Variants in HERC1 observed in about 807,000 individuals in gnomAD.
HERC1 encodes probable E3 ubiquitin-protein ligase HERC1.
Under a neutral mutation model 554.3 loss-of-function variants are expected in HERC1, and 160 were observed. The ratio of observed to expected loss-of-function variants is 0.29; its 90% confidence interval spans 0.25 to 0.33. The LOEUF (loss-of-function observed/expected upper bound fraction) is 0.33. Among genes scored for constraint, HERC1 ranks in the 10% least tolerant of loss-of-function variants. HERC1 has a pLI of 1.00. For synonymous variants in HERC1, 2,175 were observed against 2,131.7 expected, an observed-to-expected ratio of 1.02 and a Z score of -0.56; for missense variants, 4,919 against 5,918.5, an observed-to-expected ratio of 0.83 and a Z score of 5.54.
chr15:63,645,160 G>T, intron 56 of HERC1, 63 bp from the exon 57 acceptor site: 4 of 1,185,644 alleles, frequency 3.4e-6, no homozygotes, highest in South Asian at 1.2e-5. Flanking sequence ...AAATATTTCC[G>T]AATTGCAATC....
rs1327595573 is a variant in HERC1 at position 63,749,099 on chromosome 15, G to A, written c.2219+268C>T. On this transcript the variant is annotated intron_variant, in intron 10 of 77. Coordinates refer to ENST00000443617, the MANE Select transcript of HERC1 (RefSeq NM_003922.4). This position sits in a 1 kb window ranked among gnomAD's most constrained non-coding sequence, Gnocchi z 4.1. ...ATATTTAATTTTTTTAAATCAGCAT[G>A]TAGAGATGAGAGAGAACTCAAAATG... 6.6e-6 allele frequency among the ~76,000 whole-genome samples: 1 copy of A among 152,088 alleles called. No homozygotes were observed. Among genetic ancestry groups the A allele is most frequent in the Non-Finnish European group, 1.5e-5 (1 of 68,020 alleles).
Position 63,692,615 on chromosome 15 carries a change from T to TA in HERC1, c.5675-50dup. 1 of 1,469,152 alleles carries TA rather than the reference T, an allele frequency of 6.8e-7. No homozygotes were observed. Among genetic ancestry groups the TA allele is most frequent in the Middle Eastern group, 1.8e-4 (1 of 5,560 alleles). The allele number at this position is 1,469,152 out of a possible 1,614,324, so 91.0% of individuals were successfully genotyped here. On this transcript the variant is annotated intron_variant, in intron 30 of 77. Transcript: ENST00000443617. This position sits in a 1 kb window ranked among gnomAD's most constrained non-coding sequence, Gnocchi z 4.7. ...GTTACAACCAAGAGCCAACAAGAAA[T>TA]AGTCTTATATCACATAATTTACCTT... is the stretch of plus-strand genomic sequence containing the variant.
At chr15:63,635,371 A>C (rs1269684663) in intron 65 of HERC1, among the ~76,000 whole-genome samples, 1 of 152,134 alleles carries the variant, frequency 6.6e-6, no homozygotes, top group African/African-American at 2.4e-5. Context: ...TATCTGCCCA[A>C]GTTGCTCTCC....
At position 63,758,211 on chromosome 15, in the gene HERC1, T is replaced by A; in HGVS notation, c.1185A>T (p.Gln395His). 1 of 1,612,096 alleles carries A rather than the reference T, an allele frequency of 6.2e-7. No individual in the cohort carries two copies. The highest frequency in any genetic ancestry group is 8.5e-7 in the Non-Finnish European group (1 of 1,178,392). ...LVEGTQEKILQPKLAPSFSDA... is the reference protein window; with the variant it reads ...LVEGTQEKILHPKLAPSFSDA... The stretch of plus-strand genomic sequence containing the variant: ...CAGAGAAACTAGGAGCCAGTTTGGG[T>A]TGCAGTATTTTCTCCTGTGTACCTT... The change falls in exon 4 of 78, where the codon CAA (glutamine) becomes CAT (histidine). Residue 395 changes from glutamine (Q) to histidine (H), a missense_variant. This residue lies in a region of HERC1 where 744 missense variants were observed against 1,090.0 expected (regional missense o/e 0.68). Coordinates refer to ENST00000443617, the MANE Select transcript of HERC1 (RefSeq NM_003922.4). The surrounding 1 kb of genome is among the most constrained non-coding windows in gnomAD (Gnocchi z 4.0).
intron 48 of HERC1, 140 bp from the exon 49 acceptor site, chr15:63,656,498 A>C (rs1345676595): frequency 5.3e-6 from 4 of 750,476 alleles, no homozygotes; most frequent in Non-Finnish European, 8.5e-6. Context: ...ACATGTCCTA[A>C]GAGTTGCCAA....
intron 25 of HERC1, among the ~76,000 whole-genome samples, chr15:63,706,380 A>G (rs1172907265): frequency 6.6e-6 from 1 of 152,182 alleles, no homozygotes; most frequent in East Asian, 1.9e-4. Flanking sequence ...CGGGGTAAGA[A>G]GTTCTCCCTG....
At chr15:63,769,224 C>A (rs1336403945) in intron 2 of HERC1, among the ~76,000 whole-genome samples, 1 of 152,100 alleles carries the variant, frequency 6.6e-6, no homozygotes, top group East Asian at 1.9e-4. Context: ...TCAAAACCAG[C>A]CTGGCCAACA....
Position 63,678,222 on chromosome 15 carries a change from G to T in HERC1, c.6693C>A (p.Tyr2231Ter). ...TTTCCATCATTTTTTTGTTAATGCAGTAAGTCCAACGGTCTGTTCGGTGAA... is the reference window on the plus strand; with the variant it reads ...TTTCCATCATTTTTTTGTTAATGCATTAAGTCCAACGGTCTGTTCGGTGAA... ...RILHRTDRWT[Y>*]CINKKMMERL... Residue 2231 changes from tyrosine to a stop codon, truncating the protein, a stop_gained, in exon 37 of 78, where the codon TAC becomes TAA. Coordinates refer to ENST00000443617, the MANE Select transcript of HERC1 (RefSeq NM_003922.4). LOFTEE classifies it high-confidence loss of function. The T allele has an allele frequency of 6.2e-7, 1 of 1,613,570 alleles. No individual in the cohort carries two copies. The highest frequency in any genetic ancestry group is 8.5e-7 in the Non-Finnish European group (1 of 1,179,748).
Position 63,803,384 on chromosome 15 carries a change from GCTT to G in HERC1, c.-26-27738_-26-27736del, listed in dbSNP as rs1249029872. ...GACCCCTTAACCACTAAATCATGCTGCTTCTTATCAACATCGTGGTGTATATCA... is the reference window on the plus strand; with the variant it reads ...GACCCCTTAACCACTAAATCATGCTGCTTATCAACATCGTGGTGTATATCA... On this transcript the variant is annotated intron_variant, in intron 1 of 77. Transcript: ENST00000443617. Among the ~76,000 whole-genome samples the G allele has an allele frequency of 3.9e-5, 6 of 152,038 alleles. No homozygotes were observed. In the East Asian group the frequency reaches 1.2e-3, roughly 29 times the overall value.
intron 12 of HERC1, among the ~76,000 whole-genome samples, chr15:63,742,214 G>A (rs1318592614): frequency 1.3e-5 from 2 of 152,134 alleles, no homozygotes; most frequent in Admixed American, 6.5e-5. Flanking sequence ...TTTGTTAAAT[G>A]TATTCCTAAG....
At position 63,656,878 on chromosome 15, in the gene HERC1, A is replaced by G. The variant is rs576751708; in HGVS notation, c.9600-520T>C. Among the ~76,000 whole-genome samples, 4 of 152,336 alleles carry G rather than the reference A, an allele frequency of 2.6e-5. No homozygotes were observed. In the East Asian group the frequency reaches 7.7e-4, roughly 29 times the overall value. On this transcript the variant is annotated intron_variant, in intron 48 of 77. Coordinates refer to ENST00000443617, the MANE Select transcript of HERC1 (RefSeq NM_003922.4). ...GTAAGATTCATCCAAATCTTGTAGC[A>G]TTGAGCAGTTCGTTTTCATTGACAT...
intron 69 of HERC1, among the ~76,000 whole-genome samples, chr15:63,629,338 C>T (rs541405451): frequency 1.3e-5 from 2 of 152,182 alleles, no homozygotes; most frequent in Non-Finnish European, 2.9e-5. Context: ...AAGGCCATTC[C>T]AAATCTAGCA....
intron 2 of HERC1, among the ~76,000 whole-genome samples, chr15:63,765,651 T>C (rs542607028): frequency 6.6e-6 from 1 of 152,148 alleles, no homozygotes; most frequent in Non-Finnish European, 1.5e-5. Flanking sequence ...AATCAGAATA[T>C]GTTTAAATCT....
chr15:63,671,935 C>T (rs1013655333), intron 39 of HERC1, among the ~76,000 whole-genome samples: 1 of 152,150 alleles, frequency 6.6e-6, no homozygotes, highest in African/African-American at 2.4e-5. Context: ...TTTGTATATA[C>T]ATCTGGCAAA....
intron 43 of HERC1, 36 bp from the exon 44 acceptor site, chr15:63,663,240 G>A (rs2070445990): frequency 1.3e-6 from 2 of 1,548,036 alleles, no homozygotes; most frequent in Admixed American, 3.4e-5. Flanking sequence ...TTATTTGCAT[G>A]CATAAAATAA....
rs2143011998 is a variant in HERC1, at chr15:63,778,584, A to C, written c.-26-2935T>G. ...TTTAGTGTCCTGCAAGGCAAAATAG[A>C]CCCATAAAATTGAAGACAGAACAAC... On this transcript the variant is annotated intron_variant, in intron 1 of 77. Coordinates refer to ENST00000443617, the MANE Select transcript of HERC1 (RefSeq NM_003922.4). Among the ~76,000 whole-genome samples, 3 of 152,326 alleles carry C rather than the reference A, an allele frequency of 2.0e-5. No homozygotes were observed. In the South Asian group the frequency reaches 6.2e-4, roughly 32 times the overall value.
Position 63,678,050 on chromosome 15 carries a change from C to G in HERC1, c.6865G>C (p.Ala2289Pro). 6.2e-7 allele frequency: 1 copy of G among 1,614,000 alleles called. No homozygotes were observed. The highest frequency in any genetic ancestry group is 8.5e-7 in the Non-Finnish European group (1 of 1,179,894). ...EKGKHTRHGL[A>P]DLSELQLRTL... is the part of the protein sequence containing the mutation. The stretch of plus-strand genomic sequence containing the variant: ...CTCAGCTGCAGCTCTGAGAGGTCAG[C>G]GAGGCCATGCCTAGTATGTTTACCT... Residue 2289 changes from alanine to proline, a missense_variant, in exon 37 of 78, where the codon GCT becomes CCT. By Grantham distance (27) the Ala-to-Pro change is conservative. Coordinates refer to ENST00000443617, the MANE Select transcript of HERC1 (RefSeq NM_003922.4).
Position 63,618,356 on chromosome 15 carries a change from G to T in HERC1, c.13689-1674C>A, listed in dbSNP as rs1466835914. On this transcript the variant is annotated intron_variant, in intron 74 of 77. Transcript: ENST00000443617. The stretch of plus-strand genomic sequence containing the variant: ...CTGAGGGCTCTGTTCTGTTCCATTG[G>T]TCTATATCTCTGTTTTGGTACCAGT... 3.9e-5 allele frequency among the ~76,000 whole-genome samples: 6 copies of T among 152,100 alleles called. No individual in the cohort carries two copies. In the East Asian group the frequency reaches 9.6e-4, roughly 24 times the overall value.
In HERC1 at chr15:63,747,932, A is replaced by G; in HGVS notation, c.2220-74T>C. The G allele has an allele frequency of 2.1e-6, 3 of 1,429,052 alleles. No individual in the cohort carries two copies. The East Asian group carries it at 7.5e-5, about 36-fold the overall frequency. 88.5% of individuals were successfully genotyped at this position (1,429,052 alleles called of 1,614,324 possible). ...TTATGCACGATCAAAAACGAAAATTAAAACATATATTGGCTGGGCACGGTG... is the reference window on the plus strand; with the variant it reads ...TTATGCACGATCAAAAACGAAAATTGAAACATATATTGGCTGGGCACGGTG... On this transcript the variant is annotated intron_variant, in intron 10 of 77. Coordinates refer to ENST00000443617, the MANE Select transcript of HERC1 (RefSeq NM_003922.4).
Sources: allele counts gnomAD v4.1 joint callset (sites outside exome capture counted in the v4.1 genomes callset), GRCh38; gene constraint gnomAD v4.1.1; regional missense constraint gnomAD v4.1.1; non-coding constraint Gnocchi (gnomAD v3.1); transcripts MANE v1.5; gene names NCBI Gene and HGNC (gene_info 2026-07-23, HGNC 2026-07-21).